KANK1: variants seen among roughly 807,000 people sequenced by gnomAD.
The protein encoded by KANK1 is KN motif and ankyrin repeat domain-containing protein 1.
In KANK1, 109 loss-of-function variants were observed where a neutral mutation model predicts 106.2. The observed-to-expected ratio is 1.03, with a 90% CI of 0.88 to 1.20. KANK1 has a LOEUF of 1.20. KANK1 is among the 50% of genes most tolerant of loss of function. KANK1 has a pLI of 0.00. For synonymous variants in KANK1, 873 were observed against 652.2 expected (o/e 1.34, Z -5.16); for missense variants, 2,399 against 1,710.7 (o/e 1.40, Z -7.10).
At chr9:676,784 G>A (rs182688857) in intron 1 of KANK1, 106 bp from the exon 2 acceptor site, 7 of 531,292 alleles carry the variant, frequency 1.3e-5, no homozygotes, top group East Asian at 1.3e-4. Context: ...CCCCCATTCC[G>A]ATTTCCTTTC....
chr9:691,419 T>G (rs1359408609), intron 2 of KANK1, among the ~76,000 whole-genome samples: 1 of 149,966 alleles, frequency 6.7e-6, no homozygotes, highest in South Asian at 2.1e-4. Context: ...TATATATATA[T>G]TTATTTATTA....
chr9:608,027 T>TTTTA (rs1563851334), intron 1 of KANK1, among the ~76,000 whole-genome samples: 1 of 76,498 alleles, frequency 1.3e-5, no homozygotes, highest in Non-Finnish European at 2.7e-5. Context: ...TTATTATTAT[T>TTTTA]ATTATTATTT....
chr9:577,180 G>T (rs971802161), intron 1 of KANK1, among the ~76,000 whole-genome samples: 18 of 152,208 alleles, frequency 1.2e-4, no homozygotes, highest in Non-Finnish European at 2.9e-5. Context: ...ACCCAAGCGG[G>T]TTGCCTCTGC....
chr9:532,364 C>CTTTTTTTTTTTTTTTTTTTTTTTT (rs1187078952), intron 1 of KANK1, among the ~76,000 whole-genome samples: 1 of 81,850 alleles, frequency 1.2e-5, no homozygotes, highest in Non-Finnish European at 2.2e-5. Flanking sequence ...GCCTCAAGCA[C>CTTTTTTTTTTTTTTTTTTTTTTTT]TTTTTTTTTT....
chr9:579,633 G>C (rs1316254266), intron 1 of KANK1, among the ~76,000 whole-genome samples: 2 of 152,122 alleles, frequency 1.3e-5, no homozygotes, highest in African/African-American at 4.8e-5. Flanking sequence ...GTGGTCCAGT[G>C]AGCCATGGTG....
At chr9:709,877 A>G (rs1407674582) in intron 2 of KANK1, among the ~76,000 whole-genome samples, 1 of 152,154 alleles carries the variant, frequency 6.6e-6, no homozygotes, top group Non-Finnish European at 1.5e-5. Context: ...TTGGCCTCCC[A>G]AAGTGCTGGG....
intron 1 of KANK1, among the ~76,000 whole-genome samples, chr9:603,526 T>C (rs1046298415): frequency 6.6e-6 from 1 of 151,874 alleles, no homozygotes; most frequent in African/African-American, 2.4e-5. Context: ...CACATTGACA[T>C]TCAGTAATTC....
At chr9:573,788 C>T (rs1194991903) in intron 1 of KANK1, among the ~76,000 whole-genome samples, 2 of 150,518 alleles carry the variant, frequency 1.3e-5, no homozygotes, top group Non-Finnish European at 3.0e-5. Context: ...GGAATTACTT[C>T]ATTGTGCTGA....
At chr9:526,247 C>T (rs2059787006) in intron 1 of KANK1, among the ~76,000 whole-genome samples, 1 of 151,800 alleles carries the variant, frequency 6.6e-6, no homozygotes, top group South Asian at 2.1e-4. Flanking sequence ...GACGGCAGAG[C>T]AATGACTGTT....
At chr9:672,074 C>G (rs549154393) in intron 1 of KANK1, among the ~76,000 whole-genome samples, 1 of 152,300 alleles carries the variant, frequency 6.6e-6, no homozygotes, top group Admixed American at 6.5e-5. Context: ...ATGCATCACT[C>G]ATTTATGCCC....
At chr9:566,980 T>G (rs895428664) in intron 1 of KANK1, among the ~76,000 whole-genome samples, 4 of 152,144 alleles carry the variant, frequency 2.6e-5, no homozygotes, top group African/African-American at 9.7e-5. Context: ...TTTTGAGTAT[T>G]ACATTTAAGT....
chr9:661,840 C>T (rs1034660931), intron 1 of KANK1, among the ~76,000 whole-genome samples: 2 of 150,796 alleles, frequency 1.3e-5, no homozygotes, highest in African/African-American at 2.4e-5. Context: ...GATGGTATCT[C>T]ATTGTGGTTT....
At chr9:595,017 G>A (rs1410275898) in intron 1 of KANK1, among the ~76,000 whole-genome samples, 3 of 151,442 alleles carry the variant, frequency 2.0e-5, no homozygotes, top group Non-Finnish European at 4.4e-5. Context: ...ACGCAGATTC[G>A]AAAAGAAAAA....
At chr9:597,379 C>A (rs1478982248) in intron 1 of KANK1, among the ~76,000 whole-genome samples, 1 of 151,636 alleles carries the variant, frequency 6.6e-6, no homozygotes, top group Non-Finnish European at 1.5e-5. Context: ...ATTTATTTTC[C>A]CTTTTTAAAA....
intron 7 of KANK1, chr9:735,894 C>G (rs1465607498): frequency 2.0e-5 from 5 of 248,126 alleles, no homozygotes; most frequent in South Asian, 4.2e-5. Context: ...ACTCGGGAGT[C>G]TGAGGCTGGA....
chr9:597,232 C>T (rs1358188427), intron 1 of KANK1, among the ~76,000 whole-genome samples: 1 of 151,722 alleles, frequency 6.6e-6, no homozygotes. Flanking sequence ...CTTTTAGGTT[C>T]ATACTTAGAG....
chr9:656,193 G>T (rs1224800912), intron 1 of KANK1, among the ~76,000 whole-genome samples: 3 of 152,156 alleles, frequency 2.0e-5, no homozygotes, highest in Non-Finnish European at 4.4e-5. Flanking sequence ...CTTTTATCTG[G>T]CAGGTCCCAC....
At chr9:505,856 C>G (rs2058733821) in intron 1 of KANK1, among the ~76,000 whole-genome samples, 1 of 152,200 alleles carries the variant, frequency 6.6e-6, no homozygotes, top group African/African-American at 2.4e-5. Context: ...ACCTCTGGAG[C>G]TGAATGGAAA....
chr9:685,247 C>G lies in KANK1; in HGVS notation c.37+8238C>G, dbSNP rs149067134. ...GTACATATAGCATTAGTCATCTCAG[C>G]TGGTAGTTCTATACGATGAGTTATC... On this transcript the variant is annotated intron_variant, in intron 2 of 11. Transcript: ENST00000382297. 4.6e-5 allele frequency among the ~76,000 whole-genome samples: 7 copies of G among 152,264 alleles called. No individual in the cohort carries two copies. The East Asian group carries it at 1.2e-3, about 25-fold the overall frequency.
Sources: allele counts gnomAD v4.1 joint callset (sites outside exome capture counted in the v4.1 genomes callset), GRCh38; gene constraint gnomAD v4.1.1; transcripts MANE v1.5; gene names NCBI Gene and HGNC (gene_info 2026-07-23, HGNC 2026-07-21).